The following CCR3 variants were observed in gnomAD, a reference collection of about 807,000 sequenced individuals.
CCR3 encodes C-C motif chemokine receptor 3.
For synonymous variants in CCR3, 203 were observed against 179.2 expected, an observed-to-expected ratio of 1.13 and a Z score of -1.06; for missense variants, 419 against 437.5, an observed-to-expected ratio of 0.96 and a Z score of 0.38.
chr3:46,229,289 A>G (rs1262382149), intron 2 of CCR3, among the ~76,000 whole-genome samples: 2 of 152,208 alleles, frequency 1.3e-5, no homozygotes, highest in Non-Finnish European at 2.9e-5. Context: ...AAAGGTGCCT[A>G]GGAGCCTGTA....
At chr3:46,213,272 T>A (rs899463422) in intron 2 of CCR3, among the ~76,000 whole-genome samples, 2 of 152,208 alleles carry the variant, frequency 1.3e-5, no homozygotes, top group African/African-American at 4.8e-5. Flanking sequence ...CTGTCAACTG[T>A]CAATTCACCT....
intron 1 of CCR3, among the ~76,000 whole-genome samples, chr3:46,248,930 T>C (rs1700252739): frequency 6.6e-6 from 1 of 152,206 alleles, no homozygotes; most frequent in Non-Finnish European, 1.5e-5. Context: ...AAGGCTTGTC[T>C]GGTTTTAGGA....
rs1700624527 is a variant in CCR3 at position 46,266,002 on chromosome 3, G to A, written c.844G>A (p.Val282Ile). Residue 282 changes from valine (V) to isoleucine (I), a missense_variant, in exon 2 of 2, where the codon GTC (valine) becomes ATC (isoleucine). Transcript: ENST00000395940. ...TGAGCGGAGCAAGCATCTGGACCTG[G>A]TCATGCTGGTGACAGAGGTGATCGC... The part of the protein sequence containing the change: ...DCERSKHLDL[V>I]MLVTEVIAYS... The A allele has an allele frequency of 1.2e-6, 2 of 1,613,888 alleles. No homozygotes were observed. The highest frequency in any genetic ancestry group is 8.5e-7 in the Non-Finnish European group (1 of 1,180,006).
At chr3:46,219,474 G>GA (rs554486373) in intron 2 of CCR3, among the ~76,000 whole-genome samples, 5 of 151,536 alleles carry the variant, frequency 3.3e-5, no homozygotes, top group Non-Finnish European at 5.9e-5. Flanking sequence ...CACAGAACTA[G>GA]AAAAAAAATC....
intron 2 of CCR3, among the ~76,000 whole-genome samples, chr3:46,231,263 T>A (rs1699962971): frequency 1.3e-5 from 2 of 152,206 alleles, no homozygotes; most frequent in Admixed American, 6.5e-5. Flanking sequence ...ATTAATCTTG[T>A]GGATGAGATG....
At position 46,266,466 on chromosome 3, in the gene CCR3, T is replaced by C. The variant is rs201062186; in HGVS notation, c.*240T>C. 6.0e-5 allele frequency: 25 copies of C among 418,920 alleles called. No individual in the cohort carries two copies. Among genetic ancestry groups the C allele is most frequent in the Non-Finnish European group, 9.2e-5 (21 of 228,834 alleles). 26.0% of individuals were successfully genotyped at this position (418,920 alleles called of 1,614,324 possible). ...ACCCTAAAAAGCAGAGCTTTGCTTC[T>C]CTCTCTAAAATGAGTTACCTACATT... On this transcript the variant is annotated 3_prime_UTR_variant, in exon 2 of 2. Coordinates refer to ENST00000395940, the MANE Select transcript of CCR3 (RefSeq NM_178329.3).
At position 46,247,408 on chromosome 3, in the gene CCR3, G is replaced by A. The variant is rs578013125; in HGVS notation, c.-12+4870G>A. Among the ~76,000 whole-genome samples, 55 of 152,278 alleles carry A rather than the reference G, an allele frequency of 3.6e-4. 1 individual carries two copies. In the South Asian group the frequency reaches 0.01, roughly 29 times the overall value. ...AATGGGCTGTACCTTATAGCATTCC[G>A]AGGACAGGTCTGACTTCTGAGAAGG... On this transcript the variant is annotated intron_variant, in intron 1 of 1. Coordinates refer to ENST00000395940, the MANE Select transcript of CCR3 (RefSeq NM_178329.3).
At chr3:46,260,943 T>C (rs1256478082) in intron 1 of CCR3, among the ~76,000 whole-genome samples, 1 of 152,236 alleles carries the variant, frequency 6.6e-6, no homozygotes, top group Non-Finnish European at 1.5e-5. Flanking sequence ...AAAATCCTTG[T>C]AATAAATTCA....
At chr3:46,226,183 C>T (rs1246429996) in intron 2 of CCR3, among the ~76,000 whole-genome samples, 1 of 152,058 alleles carries the variant, frequency 6.6e-6, no homozygotes, top group Non-Finnish European at 1.5e-5. Context: ...TCCATATAAA[C>T]TTAAGAATAA....
intron 1 of CCR3, among the ~76,000 whole-genome samples, chr3:46,247,659 G>C (rs930816811): frequency 6.6e-6 from 1 of 152,116 alleles, no homozygotes; most frequent in Non-Finnish European, 1.5e-5. Flanking sequence ...GCTAAACTGA[G>C]GAATTATGTC....
upstream of CCR3, among the ~76,000 whole-genome samples, chr3:46,241,949 A>G (rs1360746494): frequency 6.6e-6 from 1 of 152,132 alleles, no homozygotes; most frequent in Non-Finnish European, 1.5e-5. Context: ...CCTGGCCAAC[A>G]TGGTGAAACC....
At chr3:46,212,760 C>T (rs1699731184) in intron 2 of CCR3, among the ~76,000 whole-genome samples, 1 of 152,124 alleles carries the variant, frequency 6.6e-6, no homozygotes, top group African/African-American at 2.4e-5. Flanking sequence ...TCATCGTGTC[C>T]CAAAGTGAAA....
chr3:46,265,858 A>T lies in CCR3; in HGVS notation c.700A>T (p.Lys234Ter). The T allele has an allele frequency of 1.2e-6, 2 of 1,614,130 alleles. No homozygotes were observed. The highest frequency in any genetic ancestry group is 8.5e-7 in the Non-Finnish European group (1 of 1,180,008). Residue 234 changes from lysine to a stop codon, truncating the protein, a stop_gained, in exon 2 of 2, where the codon AAG (lysine) becomes TAG (stop). Coordinates refer to ENST00000395940, the MANE Select transcript of CCR3 (RefSeq NM_178329.3). LOFTEE classifies it low-confidence loss of function (END_TRUNC). ...KTLLRCPSKK[K>*]YKAIRLIFVI... is the part of the protein sequence containing the mutation. The stretch of plus-strand genomic sequence containing the variant: ...GCTGCTGAGGTGCCCCAGTAAAAAA[A>T]AGTACAAGGCCATCCGGCTCATTTT...
In CCR3 at chr3:46,265,768, A is replaced by C. The variant is rs1181544142; in HGVS notation, c.610A>C (p.Thr204Pro). ...GAGGCATTTCCACACTCTGAGAATG[A>C]CCATCTTCTGTCTCGTTCTCCCTCT... is the stretch of plus-strand genomic sequence containing the variant. ...SWRHFHTLRMTIFCLVLPLLV... is the reference protein window; with the variant it reads ...SWRHFHTLRMPIFCLVLPLLV... Residue 204 changes from threonine to proline, a missense_variant, in exon 2 of 2, where the codon ACC becomes CCC. Transcript: ENST00000395940. 6.2e-7 allele frequency: 1 copy of C among 1,613,732 alleles called. No homozygotes were observed. Among genetic ancestry groups the C allele is most frequent in the Non-Finnish European group, 8.5e-7 (1 of 1,179,966 alleles).
intron 1 of CCR3, among the ~76,000 whole-genome samples, chr3:46,243,377 A>G (rs763559999): frequency 2.0e-5 from 3 of 152,036 alleles, no homozygotes; most frequent in African/African-American, 4.8e-5. Flanking sequence ...TTATATACAT[A>G]TGTGTGTGTG....
At chr3:46,264,700 T>C in intron 1 of CCR3, 2 of 460,102 alleles carry the variant, frequency 4.3e-6, no homozygotes, top group Non-Finnish European at 7.6e-6. Flanking sequence ...TCATTGTTAT[T>C]ATTATTATAC....
intron 1 of CCR3, among the ~76,000 whole-genome samples, chr3:46,244,439 TG>T (rs1321734057): frequency 6.6e-6 from 1 of 152,156 alleles, no homozygotes; most frequent in African/African-American, 2.4e-5. Context: ...TTTAATCACC[TG>T]GGTGCAGGCA....
intron 1 of CCR3, among the ~76,000 whole-genome samples, chr3:46,260,558 C>G (rs944498795): frequency 1.3e-5 from 2 of 152,196 alleles, no homozygotes; most frequent in Non-Finnish European, 2.9e-5. Flanking sequence ...GGCAGTCAAA[C>G]CTTAAAGCTC....
In CCR3 at chr3:46,266,031, C is replaced by T. The variant is rs200973447; in HGVS notation, c.873C>T (p.Tyr291=). Reference sequence around the variant, plus strand: ...TGCTGGTGACAGAGGTGATCGCCTACTCCCACTGCTGCATGAACCCGGTGA... The same window carrying T: ...TGCTGGTGACAGAGGTGATCGCCTATTCCCACTGCTGCATGAACCCGGTGA... ...LVMLVTEVIA[Y]SHCCMNPVIY... Residue 291 remains tyrosine (Y), a synonymous_variant, in exon 2 of 2, where the codon TAC becomes TAT. Coordinates refer to ENST00000395940, the MANE Select transcript of CCR3 (RefSeq NM_178329.3). 6.2e-7 allele frequency: 1 copy of T among 1,614,076 alleles called. No homozygotes were observed. Among genetic ancestry groups the T allele is most frequent in the Non-Finnish European group, 8.5e-7 (1 of 1,180,014 alleles).
Sources: allele counts gnomAD v4.1 joint callset (sites outside exome capture counted in the v4.1 genomes callset), GRCh38; gene constraint gnomAD v4.1.1; transcripts MANE v1.5; gene names NCBI Gene and HGNC (gene_info 2026-07-23, HGNC 2026-07-21).